Variants in COL2A1 observed in about 807,000 individuals in gnomAD.
COL2A1 encodes collagen type II alpha 1 chain, also known as collagen alpha-1(II) chain.
In COL2A1, 28 loss-of-function variants were observed where a neutral mutation model predicts 204.5. The observed-to-expected ratio is 0.14, with a 90% confidence interval of 0.10 to 0.19. COL2A1 has a LOEUF of 0.19. Among genes scored for constraint, COL2A1 ranks in the 10% least tolerant of loss-of-function variants. The pLI, the probability that COL2A1 is intolerant of heterozygous loss-of-function variation, is 1.00. For synonymous variants in COL2A1, 708 were observed against 718.7 expected (o/e 0.99, Z 0.24); for missense variants, 1,388 against 2,027.5 (o/e 0.68, Z 6.06).
chr12:47,975,234 AG>A, intron 51 of COL2A1, 82 bp downstream of exon 51: 3 of 1,539,452 alleles, frequency 1.9e-6, no homozygotes, highest in Admixed American at 1.8e-5. Flanking sequence ...GCCCTGTACT[AG>A]GGGGCATCTC....
In COL2A1 at chr12:47,973,479, G is replaced by A. The variant is rs1330705255; in HGVS notation, c.4392C>T (p.Asp1464=). The change falls in exon 54 of 54, where the codon GAC becomes GAT. Residue 1464 remains aspartate (D), a synonymous_variant. Transcript: ENST00000380518. ...SQKTSRLPII[D]IAPMDIGGPE... ...GCCCTCCTATGTCCATGGGTGCAAT[G>A]TCAATGATGGGGAGGCGTGAGGTCT... is the stretch of plus-strand genomic sequence containing the variant. The A allele has an allele frequency of 1.9e-6, 3 of 1,613,980 alleles. No homozygotes were observed. The highest frequency in any genetic ancestry group is 2.5e-6 in the Non-Finnish European group (3 of 1,180,002).
intron 37 of COL2A1, 82 bp downstream of exon 37, chr12:47,981,261 C>A: frequency 6.9e-7 from 1 of 1,452,692 alleles, no homozygotes; most frequent in South Asian, 1.2e-5. Context: ...CACCAGGCAG[C>A]ATGAGGGCCT....
At chr12:47,994,123 C>T in intron 12 of COL2A1, 76 bp from the exon 13 acceptor site, 2 of 1,527,498 alleles carry the variant, frequency 1.3e-6, no homozygotes, top group South Asian at 1.1e-5. Flanking sequence ...GCAGGAGGGC[C>T]TCCAGTTCCC....
intron 23 of COL2A1, 56 bp from the exon 24 acceptor site, chr12:47,986,021 G>C: frequency 6.6e-7 from 1 of 1,503,850 alleles, no homozygotes; most frequent in Non-Finnish European, 9.1e-7. Context: ...ACCCAGCCAG[G>C]CTCCAGTGGG....
At position 47,987,947 on chromosome 12, in the gene COL2A1, C is replaced by G. The variant is rs962264922; in HGVS notation, c.1123-238G>C. On this transcript the variant is annotated intron_variant, in intron 18 of 53. Coordinates refer to ENST00000380518, the MANE Select transcript of COL2A1 (RefSeq NM_001844.5). This position sits in a 1 kb window ranked among gnomAD's most constrained non-coding sequence, Gnocchi z 4.1. ...GCCTCCTCTACTGCTTACCTCATCTCTACACAGTGAGCCTCCACATGCCAC... is the reference window on the plus strand; with the variant it reads ...GCCTCCTCTACTGCTTACCTCATCTGTACACAGTGAGCCTCCACATGCCAC... Among the ~76,000 whole-genome samples, 6 of 152,176 alleles carry G rather than the reference C, an allele frequency of 3.9e-5. No homozygotes were observed. Among genetic ancestry groups the G allele is most frequent in the African/African-American group, 1.4e-4 (6 of 41,430 alleles).
rs1376735962 is a variant in COL2A1, at chr12:47,986,722, C to G, written c.1419+113G>C. On this transcript the variant is annotated intron_variant, in intron 22 of 53. Transcript: ENST00000380518. ...CTCCTCCAGGCATAATCTGAAAGGA[C>G]CCAGATTGGGGGATAGAGCCCTGGA... 4.0e-6 allele frequency: 5 copies of G among 1,248,488 alleles called. No individual in the cohort carries two copies. The African/African-American group carries it at 7.4e-5, about 18-fold the overall frequency. The allele number at this position is 1,248,488 out of a possible 1,614,324, so 77.3% of individuals were successfully genotyped here.
rs1001679478 is a variant in COL2A1 at position 47,973,270 on chromosome 12, C to T, written c.*137G>A. The T allele has an allele frequency of 3.5e-5, 41 of 1,160,902 alleles. No homozygotes were observed. The highest frequency in any genetic ancestry group is 7.0e-5 in the East Asian group (3 of 42,712). 71.9% of individuals were successfully genotyped at this position (1,160,902 alleles called of 1,614,324 possible). ...CTTAGAAAGAGAGGGGAGAAAAGTC[C>T]GAACTGTGAGAGGGTGGGATGAATG... On this transcript the variant is annotated 3_prime_UTR_variant, in exon 54 of 54. Coordinates refer to ENST00000380518, the MANE Select transcript of COL2A1 (RefSeq NM_001844.5).
chr12:47,993,448 C>A lies in COL2A1; in HGVS notation c.969+10G>T, dbSNP rs761850045. 1 of 1,607,370 alleles carries A rather than the reference C, an allele frequency of 6.2e-7. No homozygotes were observed. Among genetic ancestry groups the A allele is most frequent in the East Asian group, 2.2e-5 (1 of 44,854 alleles). On this transcript the variant is annotated intron_variant, in intron 15 of 53. Transcript: ENST00000380518. The stretch of plus-strand genomic sequence containing the variant: ...TTTGATAAACCTTCCTGGAGGGTGT[C>A]CATACTTACCATTGGGCCCGGAGAT...
chr12:48,004,207 G>C, intron 1 of COL2A1, 30 bp downstream of exon 1: 3 of 1,470,312 alleles, frequency 2.0e-6, no homozygotes, highest in Non-Finnish European at 2.8e-6. Context: ...TGGAAAGCAG[G>C]CAGGCAGGCA....
chr12:47,998,451 GAGA>G lies in COL2A1; in HGVS notation c.293-23_293-21del, dbSNP rs747587339. On this transcript the variant is annotated intron_variant, in intron 2 of 53. Coordinates refer to ENST00000380518, the MANE Select transcript of COL2A1 (RefSeq NM_001844.5). ...GTTGCCCTGCAAGGGAAAAAATATA[GAGA>G]AGAAGAAGGTAAGAATCTTGAGATG... 10 of 1,609,642 alleles carry G rather than the reference GAGA, an allele frequency of 6.2e-6. No individual in the cohort carries two copies. Among genetic ancestry groups the G allele is most frequent in the South Asian group, 3.3e-5 (3 of 90,584 alleles).
rs761789290 is a variant in COL2A1, at chr12:47,987,209, G to A, written c.1267-33C>T. Reference sequence around the variant, plus strand: ...CATGAGAAGAAGGGAGGGGTGTCAGGAGAGGGGAGAGGCAGGACTGGGCTC... The same window carrying A: ...CATGAGAAGAAGGGAGGGGTGTCAGAAGAGGGGAGAGGCAGGACTGGGCTC... On this transcript the variant is annotated intron_variant, in intron 20 of 53. Coordinates refer to ENST00000380518, the MANE Select transcript of COL2A1 (RefSeq NM_001844.5). The surrounding 1 kb of genome is among the most constrained non-coding windows in gnomAD (Gnocchi z 4.1). The A allele has an allele frequency of 1.9e-6, 3 of 1,613,416 alleles. No homozygotes were observed. The highest frequency in any genetic ancestry group is 1.3e-5 in the African/African-American group (1 of 75,016).
chr12:47,986,247 G>T, intron 23 of COL2A1, 89 bp downstream of exon 23: 1 of 937,220 alleles, frequency 1.1e-6, no homozygotes, highest in Non-Finnish European at 1.7e-6. Context: ...GAAAAGTCAC[G>T]AGACTTGACC....
rs1332043545 is a variant in COL2A1, at chr12:47,987,742, G to A, written c.1123-33C>T. On this transcript the variant is annotated intron_variant, in intron 18 of 53. Coordinates refer to ENST00000380518, the MANE Select transcript of COL2A1 (RefSeq NM_001844.5). The surrounding 1 kb of genome is among the most constrained non-coding windows in gnomAD (Gnocchi z 4.1). ...GAGACAGGGAGGATGAAATGAAGAAGAAGAGAGGGGACACAGACCTCTAGT... is the reference window on the plus strand; with the variant it reads ...GAGACAGGGAGGATGAAATGAAGAAAAAGAGAGGGGACACAGACCTCTAGT... 6.5e-7 allele frequency: 1 copy of A among 1,547,998 alleles called. No homozygotes were observed. The highest frequency in any genetic ancestry group is 1.7e-5 in the Admixed American group (1 of 57,432).
intron 31 of COL2A1, 32 bp downstream of exon 31, chr12:47,983,353 C>T: frequency 6.2e-7 from 1 of 1,610,696 alleles, no homozygotes; most frequent in Non-Finnish European, 8.5e-7. Flanking sequence ...CCCATCTAAA[C>T]AGGTTGCAGG....
chr12:47,981,418 A>C (rs753043846), intron 36 of COL2A1, 22 bp from the exon 37 acceptor site: 2 of 1,603,716 alleles, frequency 1.2e-6, no homozygotes, highest in Non-Finnish European at 1.7e-6. Context: ...GAAGGGAGGA[A>C]GAGCTGGGGT....
At position 47,973,356 on chromosome 12, in the gene COL2A1, C is replaced by T. The variant is rs1938528244; in HGVS notation, c.*51G>A. The T allele has an allele frequency of 2.5e-6, 4 of 1,613,802 alleles. No individual in the cohort carries two copies. The highest frequency in any genetic ancestry group is 2.2e-5 in the East Asian group (1 of 44,888). The stretch of plus-strand genomic sequence containing the variant: ...CTAGAGTGACTGAGATTGGAAAGTA[C>T]TTGGGTCCTTTGGGTTTGCAACGGA... On this transcript the variant is annotated 3_prime_UTR_variant, in exon 54 of 54. Coordinates refer to ENST00000380518, the MANE Select transcript of COL2A1 (RefSeq NM_001844.5).
rs1186241291 is a variant in COL2A1, at chr12:47,985,729, C to G, written c.1679G>C (p.Arg560Pro). Reference sequence around the variant, plus strand: ...GGCAACAGCAGCTCTGCTACTTACCCGGGCTCCAGGAAGGCCAGGTTCTCC... The same window carrying G: ...GGCAACAGCAGCTCTGCTACTTACCGGGGCTCCAGGAAGGCCAGGTTCTCC... ...RPGEPGLPGA[R>P]GLTGRPGDAG... The change falls in exon 25 of 54, where the codon CGG becomes CCG. Residue 560 changes from arginine (R) to proline (P), a missense_variant and splice_region_variant. Physicochemically the swap from Arg to Pro is moderately radical, Grantham distance 103 (BLOSUM62 -2). Transcript: ENST00000380518. The G allele has an allele frequency of 3.1e-6, 5 of 1,613,746 alleles. No homozygotes were observed. The highest frequency in any genetic ancestry group is 4.2e-6 in the Non-Finnish European group (5 of 1,179,884).
At position 48,000,145 on chromosome 12, in the gene COL2A1, G is replaced by A. The variant is rs781187677; in HGVS notation, c.86-20C>T. ...CCTCCTCTGCACCAAGGGTGGGGAG[G>A]GAGAAGCAGAGAGCCAAGGGAAGGA... On this transcript the variant is annotated intron_variant, in intron 1 of 53. Coordinates refer to ENST00000380518, the MANE Select transcript of COL2A1 (RefSeq NM_001844.5). The A allele has an allele frequency of 1.2e-5, 19 of 1,594,366 alleles. No homozygotes were observed. The East Asian group carries it at 4.0e-4, about 34-fold the overall frequency.
In COL2A1 at chr12:47,996,601, C is replaced by T. The variant is rs1377836159; in HGVS notation, c.556G>A (p.Gly186Arg). The T allele has an allele frequency of 1.2e-6, 2 of 1,614,114 alleles. No individual in the cohort carries two copies. The highest frequency in any genetic ancestry group is 2.2e-5 in the East Asian group (1 of 44,900). ...GCGCCACCAGCCTTTTCATCAAATCCTCCAGCCATCTGGGCAGCAAAGTTC... is the reference window on the plus strand; with the variant it reads ...GCGCCACCAGCCTTTTCATCAAATCTTCCAGCCATCTGGGCAGCAAAGTTC... ...GGNFAAQMAG[G>R]FDEKAGGAQL... is the part of the protein sequence containing the mutation. Residue 186 changes from glycine to arginine, a missense_variant, in exon 8 of 54, where the codon GGA becomes AGA. Physicochemically the swap from Gly to Arg is moderately radical, Grantham distance 125. Transcript: ENST00000380518.
Sources: allele counts gnomAD v4.1 joint callset (sites outside exome capture counted in the v4.1 genomes callset), GRCh38; gene constraint gnomAD v4.1.1; non-coding constraint Gnocchi (gnomAD v3.1); transcripts MANE v1.5; gene names NCBI Gene and HGNC (gene_info 2026-07-23, HGNC 2026-07-21).